SLC3A1: variants seen among roughly 807,000 people sequenced by gnomAD.
SLC3A1 encodes the protein solute carrier family 3 member 1, also known as amino acid transporter heavy chain SLC3A1.
In SLC3A1, 78 loss-of-function variants were observed where a neutral mutation model predicts 60.3. The ratio of observed to expected loss-of-function variants is 1.29; its 90% CI spans 1.08 to 1.56. SLC3A1 has a LOEUF of 1.56. SLC3A1 is among the 40% of genes most tolerant of loss of function. The pLI, the probability that SLC3A1 is intolerant of heterozygous loss-of-function variation, is 0.00. For missense variants in SLC3A1, 1,172 were observed against 858.9 expected, an observed-to-expected ratio of 1.36 and a Z score of -4.56; for synonymous variants, 392 against 307.9, an observed-to-expected ratio of 1.27 and a Z score of -2.86.
chr2:44,317,416 C>T (rs1037772977), intron 9 of SLC3A1, among the ~76,000 whole-genome samples: 1 of 149,544 alleles, frequency 6.7e-6, no homozygotes, highest in Non-Finnish European at 1.5e-5. Context: ...GAGCCATGAT[C>T]ATGCCACTGC....
At chr2:44,313,756 T>A in intron 8 of SLC3A1, 79 bp from the exon 9 acceptor site, 1 of 1,112,556 alleles carries the variant, frequency 9.0e-7, no homozygotes, top group South Asian at 1.2e-5. Flanking sequence ...AATTAAATAA[T>A]TATGAAGTAA....
At chr2:44,288,722 A>G (rs1463856564) in intron 4 of SLC3A1, among the ~76,000 whole-genome samples, 1 of 152,192 alleles carries the variant, frequency 6.6e-6, no homozygotes, top group Non-Finnish European at 1.5e-5. Context: ...CACTGGTTGT[A>G]TTTGCCAAAT....
At position 44,281,463 on chromosome 2, in the gene SLC3A1, G is replaced by C. The variant is rs1335218806; in HGVS notation, c.687G>C (p.Arg229=). 1.2e-6 allele frequency: 2 copies of C among 1,613,670 alleles called. No individual in the cohort carries two copies. The highest frequency in any genetic ancestry group is 1.7e-5 in the Admixed American group (1 of 60,006). Residue 229 remains arginine, a synonymous_variant, in exon 3 of 10, where the codon CGG becomes CGC. Transcript: ENST00000260649. ...KHIWFQLSRT[R]TGKYTDYYIW... is the part of the protein sequence containing the mutation. ...TTTGGTTTCAATTGAGTCGGACACG[G>C]ACAGGAAAATATACTGATTATTATA...
At chr2:44,310,631 G>C (rs530677295) in intron 7 of SLC3A1, among the ~76,000 whole-genome samples, 8 of 152,074 alleles carry the variant, frequency 5.3e-5, no homozygotes, top group Admixed American at 3.9e-4. Context: ...CCTACTTGGA[G>C]TTCATTGAGG....
intron 4 of SLC3A1, among the ~76,000 whole-genome samples, chr2:44,293,930 T>A (rs944932735): frequency 7.2e-6 from 1 of 139,684 alleles, no homozygotes; most frequent in African/African-American, 2.8e-5. Context: ...ATTAAATGGT[T>A]TAACCTTTGT....
At position 44,286,540 on chromosome 2, in the gene SLC3A1, GC is replaced by G. The variant is rs1440264495; in HGVS notation, c.891+384del. ...AGCTGTGCGGTGCCTGTGACGGTGA[GC>G]TGTGCGGTGCCTGTGACGGTGAGCT... On this transcript the variant is annotated intron_variant, in intron 4 of 9. Transcript: ENST00000260649. Among the ~76,000 whole-genome samples, 220 of 109,202 alleles carry G rather than the reference GC, an allele frequency of 2.0e-3. 1 individual carries two copies. The highest frequency in any genetic ancestry group is 6.3e-3 in the African/African-American group (205 of 32,738). 71.6% of individuals were successfully genotyped at this position (109,202 alleles called of 152,430 possible).
At chr2:44,316,883 A>C (rs1479050365) in intron 9 of SLC3A1, among the ~76,000 whole-genome samples, 1 of 152,208 alleles carries the variant, frequency 6.6e-6, no homozygotes, top group Non-Finnish European at 1.5e-5. Flanking sequence ...ATCCAACAAA[A>C]CATAACAATT....
chr2:44,321,550 C>T (rs1259144084), downstream of SLC3A1: 13 of 1,510,016 alleles, frequency 8.6e-6, no homozygotes, highest in Non-Finnish European at 1.2e-5. Context: ...GTGAAGTCAG[C>T]AATTTATGGC....
intron 1 of SLC3A1, 61 bp from the exon 2 acceptor site, chr2:44,280,655 T>C: frequency 8.7e-7 from 1 of 1,153,820 alleles, no homozygotes; most frequent in African/African-American, 1.6e-5. Context: ...ATTTGTTATA[T>C]TTTTTGTCCT....
rs1234232121 is a variant in SLC3A1 at position 44,303,992 on chromosome 2, TTGATTA to T, written c.1137-148_1137-143del. ...ATCCAGTCTAACATTTGGTGACAGCTTGATTATGCTTTCTAGAAGGTGCTAGTCCTA... is the reference window on the plus strand; with the variant it reads ...ATCCAGTCTAACATTTGGTGACAGCTTGCTTTCTAGAAGGTGCTAGTCCTA... On this transcript the variant is annotated intron_variant, in intron 6 of 9. Transcript: ENST00000260649. The T allele has an allele frequency of 1.5e-4, 105 of 722,378 alleles. No individual in the cohort carries two copies. The African/African-American group carries it at 1.6e-3, about 11-fold the overall frequency. The allele number at this position is 722,378 out of a possible 1,614,324, so 44.7% of individuals were successfully genotyped here. A position where few individuals can be genotyped will look rare whatever the true frequency, so the allele number is the denominator to read the frequency against.
chr2:44,321,725 G>C (rs749174186), downstream of SLC3A1: 3 of 1,602,328 alleles, frequency 1.9e-6, no homozygotes, highest in Non-Finnish European at 2.6e-6. Flanking sequence ...TAGGACATTT[G>C]TGAAGTGGCT....
In SLC3A1 at chr2:44,288,108, A is replaced by T. The variant is rs367874886; in HGVS notation, c.891+1951A>T. Reference sequence around the variant, plus strand: ...AGTGGCATGATCTTGGCTCACTGCAACTTGTGCCTCCCAGGTTCAAGCGAT... The same window carrying T: ...AGTGGCATGATCTTGGCTCACTGCATCTTGTGCCTCCCAGGTTCAAGCGAT... On this transcript the variant is annotated intron_variant, in intron 4 of 9. Coordinates refer to ENST00000260649, the MANE Select transcript of SLC3A1 (RefSeq NM_000341.4). Among the ~76,000 whole-genome samples, 7 of 151,638 alleles carry T rather than the reference A, an allele frequency of 4.6e-5. No homozygotes were observed. The East Asian group carries it at 1.2e-3, about 25-fold the overall frequency.
intron 4 of SLC3A1, among the ~76,000 whole-genome samples, chr2:44,296,960 C>T (rs1671865965): frequency 6.6e-6 from 1 of 152,172 alleles, no homozygotes; most frequent in African/African-American, 2.4e-5. Context: ...CGCCTTCTGC[C>T]ATGATTGTGA....
intron 1 of SLC3A1, among the ~76,000 whole-genome samples, chr2:44,276,584 G>C (rs919294340): frequency 1.3e-5 from 2 of 152,036 alleles, no homozygotes; most frequent in Admixed American, 1.3e-4. Context: ...GAATTAACCA[G>C]GGGTAGTGGC....
chr2:44,285,945 C>T, intron 3 of SLC3A1, 87 bp from the exon 4 acceptor site: 4 of 1,510,968 alleles, frequency 2.6e-6, no homozygotes, highest in South Asian at 1.1e-5. Context: ...ACATACTCTG[C>T]CTGCAAAGGA....
rs764840823 is a variant in SLC3A1 at position 44,304,220 on chromosome 2, C to T, written c.1214C>T (p.Ala405Val). The T allele has an allele frequency of 5.0e-6, 8 of 1,613,904 alleles. No homozygotes were observed. Among genetic ancestry groups the T allele is most frequent in the Non-Finnish European group, 6.8e-6 (8 of 1,179,896 alleles). The change falls in exon 7 of 10, where the codon GCT (alanine) becomes GTT (valine). Residue 405 changes from alanine to valine, a missense_variant. Coordinates refer to ENST00000260649, the MANE Select transcript of SLC3A1 (RefSeq NM_000341.4). ...MYYGLPFIQE[A>V]DFPFNNYLSM... ...TATGGATTGCCATTTATCCAAGAAG[C>T]TGATTTTCCCTTCAACAATTACCTC...
At chr2:44,285,594 G>A in intron 3 of SLC3A1, 1 of 442,800 alleles carries the variant, frequency 2.3e-6, no homozygotes, top group Non-Finnish European at 4.6e-6. Flanking sequence ...ATAATTTTCT[G>A]GGGATATAAT....
rs1273905319 is a variant in SLC3A1, at chr2:44,275,770, C to G, written c.235C>G (p.Gln79Glu). The change falls in exon 1 of 10, where the codon CAG becomes GAG. Residue 79 changes from glutamine (Q) to glutamate (E), a missense_variant. Coordinates refer to ENST00000260649, the MANE Select transcript of SLC3A1 (RefSeq NM_000341.4). ...GGAGGTGCTGTTCCAGTTCTCTGGC[C>G]AGGCCCGCTACCGCATACCTCGGGA... ...PKEVLFQFSG[Q>E]ARYRIPREIL... is the part of the protein sequence containing the mutation. 6.2e-7 allele frequency: 1 copy of G among 1,614,118 alleles called. No individual in the cohort carries two copies. Among genetic ancestry groups the G allele is most frequent in the Non-Finnish European group, 8.5e-7 (1 of 1,180,042 alleles).
intron 1 of SLC3A1, among the ~76,000 whole-genome samples, chr2:44,276,704 A>G (rs1377379626): frequency 1.3e-5 from 2 of 151,842 alleles, no homozygotes; most frequent in African/African-American, 4.8e-5. Flanking sequence ...GTCTCCAAAA[A>G]GAAAAAAAAA....
Sources: gnomAD v4.1 joint callset for allele counts (sites outside exome capture counted in the v4.1 genomes callset) on GRCh38, gnomAD v4.1.1 for gene constraint, MANE v1.5 for transcripts, NCBI Gene and HGNC (gene_info 2026-07-23, HGNC 2026-07-21) for gene names.